Variants in VPS39 observed in about 807,000 individuals in gnomAD.
VPS39 encodes the protein VPS39 subunit of HOPS complex.
In VPS39, 70 loss-of-function variants were observed where a neutral mutation model predicts 121.0. The ratio of observed to expected loss-of-function variants is 0.58; its 90% CI spans 0.48 to 0.71. VPS39 has a LOEUF of 0.71. Ranked by LOEUF, VPS39 falls within the 30% of genes least tolerant of loss-of-function variation. The pLI is 0.00. For synonymous variants in VPS39, 378 were observed against 398.1 expected (o/e 0.95, Z 0.60); for missense variants, 818 against 1,051.5 (o/e 0.78, Z 3.07).
chr15:42,187,494 G>C, intron 6 of VPS39, 131 bp from the exon 7 acceptor site: 1 of 846,222 alleles, frequency 1.2e-6, no homozygotes, highest in South Asian at 1.8e-5. Flanking sequence ...ACAGGCACAA[G>C]GCCAGGAAAC....
At chr15:42,166,089 C>T in intron 16 of VPS39, 70 bp downstream of exon 16, 2 of 1,432,920 alleles carry the variant, frequency 1.4e-6, no homozygotes, top group Non-Finnish European at 9.8e-7. Context: ...TCCTCTCCAT[C>T]CACTGCTGTC....
chr15:42,184,054 C>CAAAAAAA (rs34358912), intron 8 of VPS39: 15 of 57,932 alleles, frequency 2.6e-4, no homozygotes, highest in East Asian at 5.4e-4. Flanking sequence ...CTCTAAGCTA[C>CAAAAAAA]AAAAAAAAAA....
intron 2 of VPS39, among the ~76,000 whole-genome samples, chr15:42,194,423 G>A (rs1045377311): frequency 6.6e-6 from 1 of 152,028 alleles, no homozygotes; most frequent in African/African-American, 2.4e-5. Flanking sequence ...GCAGTGAGCC[G>A]AGATTATGCC....
intron 12 of VPS39, among the ~76,000 whole-genome samples, chr15:42,168,281 C>G: frequency 6.6e-6 from 1 of 152,230 alleles, no homozygotes; most frequent in East Asian, 1.9e-4. Context: ...AAGACATTGG[C>G]AGTGGAGGGC....
intron 21 of VPS39, 115 bp downstream of exon 21, chr15:42,163,235 T>C (rs1259928251): frequency 2.4e-6 from 3 of 1,276,278 alleles, no homozygotes; most frequent in Admixed American, 1.7e-5. Context: ...GCAAGATCAA[T>C]CAGAGCCCTG....
chr15:42,162,478 A>G lies in VPS39; in HGVS notation c.2179T>C (p.Tyr727His), dbSNP rs1566888331. ...AGGTACATCCGAAGCAGGGACAGATACACCTGTCTCAGAGAGACATGAGCT... is the reference window on the plus strand; with the variant it reads ...AGGTACATCCGAAGCAGGGACAGATGCACCTGTCTCAGAGAGACATGAGCT... ...DRNKDGNKDV[Y>H]LSLLRMYLSP... Residue 727 changes from tyrosine (Y) to histidine (H), a missense_variant, in exon 22 of 25, where the codon TAT (tyrosine) becomes CAT (histidine). Physicochemically the swap from Tyr to His is moderately conservative, Grantham distance 83 (BLOSUM62 2). Transcript: ENST00000318006. 6.3e-7 allele frequency: 1 copy of G among 1,598,632 alleles called. No individual in the cohort carries two copies. The highest frequency in any genetic ancestry group is 1.7e-4 in the Middle Eastern group (1 of 5,988).
chr15:42,166,829 C>T lies in VPS39; in HGVS notation c.1462G>A (p.Ala488Thr), dbSNP rs1006707964. 1 of 1,614,096 alleles carries T rather than the reference C, an allele frequency of 6.2e-7. No individual in the cohort carries two copies. The highest frequency in any genetic ancestry group is 8.5e-7 in the Non-Finnish European group (1 of 1,180,052). ...ATGATAAGCTCACTGTACTTGTGAG[C>T]CTTCTTTAGCACGTGCTCGCTCTCC... ...IEESEHVLKK[A>T]HKYSELIILY... Residue 488 changes from alanine to threonine, a missense_variant, in exon 14 of 25, where the codon GCT becomes ACT. Ala to Thr is a moderately conservative substitution (Grantham distance 58, BLOSUM62 0). Transcript: ENST00000318006.
intron 2 of VPS39, among the ~76,000 whole-genome samples, chr15:42,194,686 T>C (rs1369613634): frequency 4.6e-5 from 7 of 151,828 alleles, no homozygotes; most frequent in African/African-American, 2.4e-5. Context: ...TGAGTCATGA[T>C]TGCGCCACTG....
At chr15:42,186,007 G>A (rs977069564) in intron 7 of VPS39, among the ~76,000 whole-genome samples, 1 of 152,184 alleles carries the variant, frequency 6.6e-6, no homozygotes, top group African/African-American at 2.4e-5. Context: ...CTTATTCCTT[G>A]TGCGCTCTCT....
Position 42,199,979 on chromosome 15 carries a change from A to G in VPS39, c.74-18T>C. The G allele has an allele frequency of 6.4e-7, 1 of 1,551,448 alleles. No homozygotes were observed. The highest frequency in any genetic ancestry group is 1.5e-5 in the African/African-American group (1 of 66,244). On this transcript the variant is annotated intron_variant, in intron 1 of 24. Transcript: ENST00000318006. ...CCATTCCTCTGGAAAAACAAAACAA[A>G]ACAAAAACAAAAACAAAAAAAAACC...
intron 1 of VPS39, among the ~76,000 whole-genome samples, chr15:42,204,122 C>T (rs1275256319): frequency 6.6e-6 from 1 of 152,216 alleles, no homozygotes; most frequent in African/African-American, 2.4e-5. Context: ...GTAATAAATT[C>T]CATTTCTGGC....
intron 4 of VPS39, among the ~76,000 whole-genome samples, chr15:42,190,082 T>C (rs535427361): frequency 1.0e-3 from 158 of 152,262 alleles, no homozygotes; most frequent in Non-Finnish European, 1.8e-3. Context: ...CCCAAAGTGC[T>C]GGGATTACTG....
chr15:42,175,865 C>T (rs1228026423), intron 10 of VPS39, among the ~76,000 whole-genome samples: 2 of 152,090 alleles, frequency 1.3e-5, no homozygotes, highest in African/African-American at 4.8e-5. Flanking sequence ...GTTCCATTTC[C>T]TGCTCTTGAT....
At chr15:42,160,899 C>T (rs2049114646) in intron 24 of VPS39, 70 bp from the exon 25 acceptor site, 1 of 1,518,134 alleles carries the variant, frequency 6.6e-7, no homozygotes, top group Non-Finnish European at 9.1e-7. Flanking sequence ...AGCGGCACCT[C>T]CTACAGAAGA....
chr15:42,165,646 C>A, intron 17 of VPS39, 72 bp downstream of exon 17: 1 of 1,232,030 alleles, frequency 8.1e-7, no homozygotes, highest in Non-Finnish European at 1.2e-6. Context: ...ATCTGAACAG[C>A]CCGATAACAG....
chr15:42,200,322 T>A (rs58399021), intron 1 of VPS39, among the ~76,000 whole-genome samples: 8,293 of 152,048 alleles, frequency 0.055, 749 homozygotes, highest in African/African-American at 0.19. Context: ...TATACTTTTA[T>A]TAAGATATAT....
chr15:42,173,494 A>G, intron 11 of VPS39: 1 of 440,620 alleles, frequency 2.3e-6, no homozygotes, highest in Admixed American at 3.9e-5. Flanking sequence ...AGGGCATATC[A>G]TACTGGAAAA....
At chr15:42,168,613 G>A (rs984584216) in intron 12 of VPS39, among the ~76,000 whole-genome samples, 2 of 150,290 alleles carry the variant, frequency 1.3e-5, no homozygotes, top group African/African-American at 4.9e-5. Flanking sequence ...GCGCAATCTC[G>A]GCTCACTTCC....
intron 11 of VPS39, among the ~76,000 whole-genome samples, chr15:42,170,723 T>A (rs1476434856): frequency 6.9e-6 from 1 of 144,506 alleles, no homozygotes; most frequent in Non-Finnish European, 1.5e-5. Flanking sequence ...TTTATGGTGT[T>A]CTCACAGATG....
Sources: allele counts gnomAD v4.1 joint callset (sites outside exome capture counted in the v4.1 genomes callset), GRCh38; gene constraint gnomAD v4.1.1; transcripts MANE v1.5; gene names NCBI Gene and HGNC (gene_info 2026-07-23, HGNC 2026-07-21).